ACTR3C: variants seen among roughly 807,000 people sequenced by gnomAD.
ACTR3C encodes the protein actin-related protein 3C.
ACTR3C carries 18 observed loss-of-function variants against 26.3 expected under a neutral mutation model. The observed-to-expected ratio is 0.68, with a 90% CI of 0.47 to 1.01. ACTR3C has a LOEUF of 1.01. Among genes scored for constraint, ACTR3C ranks in the 50% least tolerant of loss-of-function variants. The probability of loss-of-function intolerance (pLI) is 0.00; values close to 1 mark genes in which losing one functional copy is unlikely to be tolerated. For missense variants in ACTR3C, 184 were observed against 250.7 expected (o/e 0.73, Z 1.80); for synonymous variants, 55 against 94.5 (o/e 0.58, Z 2.42).
At chr7:150,190,537 C>T in the ACTR3C span, among the ~76,000 whole-genome samples, 739 of 152,274 alleles carry the variant, frequency 4.9e-3, 7 homozygotes, top group Non-Finnish European at 8.1e-3. Flanking sequence ...ATTAGTATTT[C>T]TATGGGTGGG....
At chr7:149,886,925 A>C in the ACTR3C span, among the ~76,000 whole-genome samples, 2 of 151,276 alleles carry the variant, frequency 1.3e-5, no homozygotes, top group African/African-American at 4.9e-5. Context: ...GTGCTCCTGC[A>C]TTCTGGCCTG....
In ACTR3C at chr7:150,256,870, C is replaced by T. The variant is rs2129609723; in HGVS notation, c.565-7816G>A. The stretch of plus-strand genomic sequence containing the variant: ...CATTCCACCCCAAAACAGCAAAATA[C>T]ACAGGCTTCTCAAGTAAACATGGTT... On this transcript the variant is annotated intron_variant, in intron 6 of 7. Coordinates refer to ENST00000683684, the MANE Select transcript of ACTR3C (RefSeq NM_001164458.2). Among the ~76,000 whole-genome samples the T allele has an allele frequency of 2.0e-5, 3 of 152,208 alleles. 1 individual carries two copies. In the Middle Eastern group the frequency reaches 0.01, roughly 521 times the overall value.
At chr7:150,023,346 T>TACA in the ACTR3C span, among the ~76,000 whole-genome samples, 1 of 59,352 alleles carries the variant, frequency 1.7e-5, no homozygotes, top group Non-Finnish European at 3.2e-5. Flanking sequence ...TACATATATA[T>TACA]TTTAGAGACA....
the ACTR3C span, among the ~76,000 whole-genome samples, chr7:149,900,256 A>G: frequency 1.8e-4 from 27 of 151,798 alleles, no homozygotes; most frequent in Non-Finnish European, 2.9e-4. Context: ...GCTCACTGCA[A>G]CCTCCACCTC....
the ACTR3C span, among the ~76,000 whole-genome samples, chr7:150,056,242 A>G: frequency 1.3e-5 from 2 of 152,226 alleles, no homozygotes; most frequent in Non-Finnish European, 2.9e-5. Context: ...TAACCTGGAA[A>G]AAGAAATACC....
chr7:150,035,205 G>C, the ACTR3C span, among the ~76,000 whole-genome samples: 1 of 128,152 alleles, frequency 7.8e-6, no homozygotes, highest in Non-Finnish European at 1.7e-5. Flanking sequence ...GCCTCACGGG[G>C]GGTGCCTCCC....
chr7:149,982,806 T>C, the ACTR3C span, among the ~76,000 whole-genome samples: 1 of 152,200 alleles, frequency 6.6e-6, no homozygotes, highest in Non-Finnish European at 1.5e-5. Flanking sequence ...TTGGGTTGTC[T>C]ACACATAAGA....
chr7:150,312,456 T>C lies in ACTR3C; in HGVS notation c.-52+11013A>G, dbSNP rs183624314. On this transcript the variant is annotated intron_variant, in intron 1 of 7. Transcript: ENST00000683684. ...GGAATCCCATTCATATGACAGACAATGGGGACAAAAAGCTTTGGTATGTAA... is the reference window on the plus strand; with the variant it reads ...GGAATCCCATTCATATGACAGACAACGGGGACAAAAAGCTTTGGTATGTAA... Among the ~76,000 whole-genome samples, 319 of 152,312 alleles carry C rather than the reference T, an allele frequency of 2.1e-3. 3 individuals carry two copies. The highest frequency in any genetic ancestry group is 0.01 in the South Asian group (49 of 4,826).
At chr7:150,101,871 C>T in the ACTR3C span, among the ~76,000 whole-genome samples, 3 of 151,678 alleles carry the variant, frequency 2.0e-5, no homozygotes, top group Non-Finnish European at 4.4e-5. Flanking sequence ...GGGGTACATT[C>T]TTCATAGACT....
At chr7:150,041,946 C>G in the ACTR3C span, among the ~76,000 whole-genome samples, 3 of 148,652 alleles carry the variant, frequency 2.0e-5, no homozygotes, top group East Asian at 4.1e-4. Flanking sequence ...AGTAATCCCA[C>G]GTAAGGTACC....
At chr7:150,031,767 G>A in the ACTR3C span, among the ~76,000 whole-genome samples, 2 of 152,202 alleles carry the variant, frequency 1.3e-5, no homozygotes, top group Non-Finnish European at 2.9e-5. Flanking sequence ...TGCTTACGTA[G>A]TGGTATTCAG....
chr7:150,169,949 G>C, the ACTR3C span, among the ~76,000 whole-genome samples: 4 of 149,684 alleles, frequency 2.7e-5, no homozygotes. Context: ...CTGGTTGTTA[G>C]GTAGTTCTTA....
chr7:150,041,193 A>C, the ACTR3C span, among the ~76,000 whole-genome samples: 1 of 150,380 alleles, frequency 6.6e-6, no homozygotes, highest in East Asian at 1.9e-4. Context: ...CCATTTCAAA[A>C]GTTCCGGGTC....
chr7:149,902,124 T>C, the ACTR3C span, among the ~76,000 whole-genome samples: 10 of 152,104 alleles, frequency 6.6e-5, no homozygotes, highest in South Asian at 2.1e-4. Context: ...ACAGATACTT[T>C]AGAACATTTG....
At chr7:150,050,138 AAGCTCATGCTATTCACCGC>A in the ACTR3C span, among the ~76,000 whole-genome samples, 1 of 152,162 alleles carries the variant, frequency 6.6e-6, no homozygotes, top group East Asian at 1.9e-4. Context: ...ACATGAAAGA[AAGCTCATGCTATTCACCGC>A]AGCATCGCGA....
chr7:150,086,998 T>C, the ACTR3C span, among the ~76,000 whole-genome samples: 1 of 152,162 alleles, frequency 6.6e-6, no homozygotes. Flanking sequence ...GCAATCCTTC[T>C]ACAGAGAGGC....
the ACTR3C span, among the ~76,000 whole-genome samples, chr7:150,206,442 T>C: frequency 6.6e-6 from 1 of 152,106 alleles, no homozygotes; most frequent in Non-Finnish European, 1.5e-5. Flanking sequence ...AGATGGAGTT[T>C]CGCTCCTGTT....
chr7:150,319,600 T>C (rs1563216169), intron 1 of ACTR3C, among the ~76,000 whole-genome samples: 1 of 152,224 alleles, frequency 6.6e-6, no homozygotes. Flanking sequence ...CAAATTCAGG[T>C]GCCTTTGACT....
At chr7:150,278,277 G>A (rs1444139099) in intron 6 of ACTR3C, among the ~76,000 whole-genome samples, 2 of 152,200 alleles carry the variant, frequency 1.3e-5, no homozygotes, top group Admixed American at 6.5e-5. Flanking sequence ...GAGTCGTCCT[G>A]TAGGATGGCC....
Sources: gnomAD v4.1 joint callset for allele counts (sites outside exome capture counted in the v4.1 genomes callset) on GRCh38, gnomAD v4.1.1 for gene constraint, MANE v1.5 for transcripts, NCBI Gene and HGNC (gene_info 2026-07-23, HGNC 2026-07-21) for gene names.